Variants in CFAP206 observed in about 807,000 individuals in gnomAD.
CFAP206 encodes the protein cilia- and flagella-associated protein 206.
CFAP206 carries 53 observed loss-of-function variants against 65.4 expected under a neutral mutation model. That is an observed-to-expected ratio of 0.81 (90% CI 0.65 to 1.02). CFAP206 has a LOEUF of 1.02. Ranked by LOEUF, CFAP206 falls within the 50% of genes least tolerant of loss-of-function variation. CFAP206 has a pLI of 0.00. For missense variants in CFAP206, 663 were observed against 753.2 expected (o/e 0.88, Z 1.40); for synonymous variants, 250 against 254.4 (o/e 0.98, Z 0.17).
At chr6:87,409,810 TA>T (rs11350856) in intron 1 of CFAP206, 24 bp from the exon 2 acceptor site, 421,065 of 1,504,182 alleles carry the variant, frequency 0.28, 60,948 homozygotes, top group African/African-American at 0.39. Flanking sequence ...ACGGTTTTTT[TA>T]AAAAAAATTG....
chr6:87,421,342 C>T (rs979603856), intron 7 of CFAP206, among the ~76,000 whole-genome samples: 6 of 152,020 alleles, frequency 3.9e-5, no homozygotes, highest in Admixed American at 6.6e-5. Context: ...AAAAATTAGC[C>T]GGGCATAGTG....
chr6:87,435,059 C>T lies in CFAP206; in HGVS notation c.1494+6C>T, dbSNP rs762585677. 165 of 1,548,966 alleles carry T rather than the reference C, an allele frequency of 1.1e-4. No individual in the cohort carries two copies. Among genetic ancestry groups the T allele is most frequent in the Non-Finnish European group, 1.2e-4 (135 of 1,140,132 alleles). ...CATTTATTCCATATTCTCAGGTAAG[C>T]AGGGTCAATATTTTATGAATTTATG... On this transcript the variant is annotated splice_donor_region_variant and intron_variant, in intron 11 of 12. Coordinates refer to ENST00000369562, the MANE Select transcript of CFAP206 (RefSeq NM_001031743.3).
intron 11 of CFAP206, among the ~76,000 whole-genome samples, chr6:87,455,058 G>T (rs1211181290): frequency 6.6e-6 from 1 of 151,710 alleles, no homozygotes; most frequent in East Asian, 2.0e-4. Flanking sequence ...AAGTAGCTGG[G>T]ATTACAGGCA....
chr6:87,414,881 T>C (rs1248382611), intron 4 of CFAP206, among the ~76,000 whole-genome samples: 1 of 152,238 alleles, frequency 6.6e-6, no homozygotes, highest in Non-Finnish European at 1.5e-5. Context: ...ATTGATAAAA[T>C]TTAACCTATA....
intron 9 of CFAP206, among the ~76,000 whole-genome samples, chr6:87,430,160 A>T (rs151286806): frequency 1.3e-5 from 2 of 152,168 alleles, no homozygotes; most frequent in Non-Finnish European, 2.9e-5. Flanking sequence ...ACATATTGTC[A>T]TTGTTAGAGG....
intron 4 of CFAP206, among the ~76,000 whole-genome samples, chr6:87,414,589 C>T (rs1767792648): frequency 6.6e-6 from 1 of 152,134 alleles, no homozygotes; most frequent in African/African-American, 2.4e-5. Context: ...TGTGAGCCAC[C>T]ATGCCTGGCT....
intron 1 of CFAP206, 59 bp from the exon 2 acceptor site, chr6:87,409,775 GA>G (rs948157109): frequency 1.3e-5 from 14 of 1,098,160 alleles, no homozygotes; most frequent in Non-Finnish European, 1.6e-5. Context: ...ATCAAAAGAG[GA>G]AAAAAATAAA....
rs760036492 is a variant in CFAP206, at chr6:87,409,803, GT to G, written c.-5-25del. The G allele has an allele frequency of 4.4e-4, 646 of 1,465,224 alleles. 2 individuals carry two copies. Among genetic ancestry groups the G allele is most frequent in the Non-Finnish European group, 4.9e-4 (522 of 1,067,114 alleles). 90.8% of individuals were successfully genotyped at this position (1,465,224 alleles called of 1,614,324 possible). On this transcript the variant is annotated intron_variant, in intron 1 of 12. Transcript: ENST00000369562. ...AAAAATAAATTTGCATAAAACCACG[GT>G]TTTTTTAAAAAAAATTGTTGTTTTA...
At chr6:87,445,747 G>C (rs1363924742) in intron 11 of CFAP206, among the ~76,000 whole-genome samples, 3 of 152,054 alleles carry the variant, frequency 2.0e-5, no homozygotes, top group Non-Finnish European at 4.4e-5. Flanking sequence ...GAGTCAAATG[G>C]TATTTCTGGT....
chr6:87,423,870 A>G (rs1767991424), intron 7 of CFAP206, among the ~76,000 whole-genome samples: 1 of 152,214 alleles, frequency 6.6e-6, no homozygotes, highest in South Asian at 2.1e-4. Context: ...TTTATGAATA[A>G]AAATTTGTTA....
chr6:87,461,245 A>G lies in CFAP206; in HGVS notation c.1638+80A>G, dbSNP rs546220490. 163 of 925,228 alleles carry G rather than the reference A, an allele frequency of 1.8e-4. 1 individual carries two copies. In the East Asian group the frequency reaches 5.2e-3, roughly 30 times the overall value. 57.3% of individuals were successfully genotyped at this position (925,228 alleles called of 1,614,324 possible). On this transcript the variant is annotated intron_variant, in intron 12 of 12. Coordinates refer to ENST00000369562, the MANE Select transcript of CFAP206 (RefSeq NM_001031743.3). ...GTTACTCATAGAGTTGGTAAATTAA[A>G]TTATTTATATAAAATAATGAGTTTT...
intron 11 of CFAP206, among the ~76,000 whole-genome samples, chr6:87,445,431 C>G (rs940723372): frequency 6.6e-6 from 1 of 152,056 alleles, no homozygotes. Flanking sequence ...TGTTCAGCTC[C>G]CACTTATAAG....
intron 11 of CFAP206, among the ~76,000 whole-genome samples, chr6:87,451,372 C>G (rs1279669206): frequency 6.6e-6 from 1 of 152,150 alleles, no homozygotes; most frequent in Non-Finnish European, 1.5e-5. Context: ...CCTGAAGCCC[C>G]AATTCCAGAC....
At chr6:87,415,610 C>T (rs1323681608) in intron 4 of CFAP206, 76 bp from the exon 5 acceptor site, 2 of 1,295,516 alleles carry the variant, frequency 1.5e-6, no homozygotes, top group African/African-American at 1.5e-5. Context: ...ATATCCAATC[C>T]AGTTTTTCTC....
chr6:87,441,295 A>C (rs938096315), intron 11 of CFAP206: 1 of 160,248 alleles, frequency 6.2e-6, no homozygotes, highest in African/African-American at 2.4e-5. Flanking sequence ...AGTGAGTGAC[A>C]TTTAAAACTA....
At chr6:87,454,023 A>G (rs920933646) in intron 11 of CFAP206, among the ~76,000 whole-genome samples, 1 of 152,178 alleles carries the variant, frequency 6.6e-6, no homozygotes, top group African/African-American at 2.4e-5. Flanking sequence ...ACAAACATAG[A>G]CTGAAAATGA....
chr6:87,449,507 C>CT (rs1222878781), intron 11 of CFAP206, among the ~76,000 whole-genome samples: 1 of 142,900 alleles, frequency 7.0e-6, no homozygotes, highest in African/African-American at 2.6e-5. Context: ...TGTTTTCTGT[C>CT]TTTTTTATAA....
chr6:87,417,569 T>TA (rs397699595), intron 6 of CFAP206, among the ~76,000 whole-genome samples: 2 of 151,350 alleles, frequency 1.3e-5, no homozygotes, highest in Admixed American at 6.6e-5. Flanking sequence ...TTTTTTTTTT[T>TA]AATAACTAGA....
At chr6:87,414,872 T>C (rs1383656446) in intron 4 of CFAP206, among the ~76,000 whole-genome samples, 1 of 152,212 alleles carries the variant, frequency 6.6e-6, no homozygotes, top group Non-Finnish European at 1.5e-5. Context: ...AGTCATATAA[T>C]TGATAAAATT....
Sources: allele counts gnomAD v4.1 joint callset (sites outside exome capture counted in the v4.1 genomes callset), GRCh38; gene constraint gnomAD v4.1.1; transcripts MANE v1.5; gene names NCBI Gene and HGNC (gene_info 2026-07-23, HGNC 2026-07-21).